Variants in LTBP1 observed in about 807,000 individuals in gnomAD.
LTBP1 encodes latent transforming growth factor beta binding protein 1.
In LTBP1, 129 loss-of-function variants were observed where a neutral mutation model predicts 207.6. The observed-to-expected ratio is 0.62, with a 90% CI of 0.54 to 0.72. The LOEUF (loss-of-function observed/expected upper bound fraction) is 0.72, where lower values mean the gene tolerates loss of function less well. Among genes scored for constraint, LTBP1 ranks in the 30% least tolerant of loss-of-function variants. LTBP1 has a pLI of 0.00. For missense variants in LTBP1, 2,281 were observed against 2,217.2 expected (o/e 1.03, Z -0.58); for synonymous variants, 963 against 833.7 (o/e 1.16, Z -2.67).
intron 3 of LTBP1, among the ~76,000 whole-genome samples, chr2:33,027,639 A>T (rs1415731229): frequency 6.6e-6 from 1 of 152,120 alleles, no homozygotes; most frequent in Admixed American, 6.5e-5. Flanking sequence ...GATCAAGACC[A>T]TCTGGCCAAG....
intron 28 of LTBP1, among the ~76,000 whole-genome samples, chr2:33,362,028 A>G (rs566782362): frequency 1.2e-4 from 18 of 152,324 alleles, no homozygotes; most frequent in Middle Eastern, 6.8e-3. Context: ...GAAGACAACC[A>G]AAGTAGACAT....
chr2:33,284,477 T>C (rs1573612637), intron 19 of LTBP1, among the ~76,000 whole-genome samples: 1 of 152,218 alleles, frequency 6.6e-6, no homozygotes, highest in East Asian at 1.9e-4. Context: ...CATTCGGCAC[T>C]GTATTCCTTG....
At chr2:33,256,471 T>C (rs932384348) in intron 11 of LTBP1, among the ~76,000 whole-genome samples, 2 of 151,938 alleles carry the variant, frequency 1.3e-5, no homozygotes, top group Admixed American at 6.6e-5. Context: ...TTTCCCTGAA[T>C]AGTGATTTTT....
chr2:33,250,137 A>T (rs2092640302), intron 10 of LTBP1, among the ~76,000 whole-genome samples: 1 of 152,182 alleles, frequency 6.6e-6, no homozygotes, highest in Admixed American at 6.5e-5. Flanking sequence ...AATACTAGAG[A>T]TGTTTAATAA....
intron 20 of LTBP1, among the ~76,000 whole-genome samples, chr2:33,294,080 A>T (rs2093826692): frequency 7.6e-6 from 1 of 130,952 alleles, no homozygotes; most frequent in South Asian, 2.3e-4. Context: ...ATCTTGGCTC[A>T]TTGCAACCTC....
intron 3 of LTBP1, among the ~76,000 whole-genome samples, chr2:33,109,925 A>C (rs2080292771): frequency 6.6e-6 from 1 of 152,208 alleles, no homozygotes; most frequent in African/African-American, 2.4e-5. Flanking sequence ...AGAAGGTCCC[A>C]CTGTATCATA....
At chr2:33,135,246 T>G (rs1158888747) in intron 5 of LTBP1, among the ~76,000 whole-genome samples, 1 of 152,172 alleles carries the variant, frequency 6.6e-6, no homozygotes, top group Non-Finnish European at 1.5e-5. Flanking sequence ...AGAGAGTAGG[T>G]TTTAGATTTA....
chr2:33,073,244 C>G (rs1234818670), intron 3 of LTBP1, among the ~76,000 whole-genome samples: 4 of 149,988 alleles, frequency 2.7e-5, no homozygotes, highest in Non-Finnish European at 5.9e-5. Flanking sequence ...TTTCCTCATT[C>G]TTTTGTATGT....
chr2:33,304,199 C>G (rs1007538538), intron 22 of LTBP1, among the ~76,000 whole-genome samples: 1 of 152,180 alleles, frequency 6.6e-6, no homozygotes, highest in Non-Finnish European at 1.5e-5. Context: ...AAAGTCAGGA[C>G]TAGTTTCTCT....
chr2:33,345,466 A>C (rs2094689533), intron 25 of LTBP1, among the ~76,000 whole-genome samples: 1 of 152,250 alleles, frequency 6.6e-6, no homozygotes, highest in African/African-American at 2.4e-5. Flanking sequence ...TAGCCATGTC[A>C]ATAATACATG....
intron 5 of LTBP1, among the ~76,000 whole-genome samples, chr2:33,158,351 T>C (rs905961829): frequency 2.6e-5 from 4 of 152,072 alleles, no homozygotes; most frequent in Non-Finnish European, 5.9e-5. Context: ...AGAAGAAATA[T>C]TCTATGTAAC....
intron 24 of LTBP1, among the ~76,000 whole-genome samples, chr2:33,324,427 A>T (rs916893398): frequency 6.6e-6 from 1 of 151,914 alleles, no homozygotes; most frequent in Non-Finnish European, 1.5e-5. Flanking sequence ...AAAACACAGT[A>T]TATATATATG....
intron 26 of LTBP1, among the ~76,000 whole-genome samples, chr2:33,347,885 A>G (rs1465633768): frequency 6.6e-6 from 1 of 152,218 alleles, no homozygotes; most frequent in Non-Finnish European, 1.5e-5. Flanking sequence ...GCCCTTAGAG[A>G]AATGTGTCTT....
rs35340726 is a variant in LTBP1 at position 33,021,079 on chromosome 2, G to A, written c.736G>A (p.Glu246Lys). 54,815 of 1,613,992 alleles carry A rather than the reference G, an allele frequency of 0.034. 1,107 individuals are homozygous for A. Among genetic ancestry groups the A allele is most frequent in the Non-Finnish European group, 0.041 (48,724 of 1,179,954 alleles). Residue 246 changes from glutamate (E) to lysine (K), a missense_variant, in exon 3 of 34, where the codon GAG becomes AAG. Around this residue, in one of 3 missense-constraint regions of LTBP1, gnomAD observed 555 missense variants for 491.0 expected, o/e 1.13. Coordinates refer to ENST00000404816, the MANE Select transcript of LTBP1 (RefSeq NM_206943.4). ...PGAASSWGPP[E>K]QAAKHTSSKK... Reference sequence around the variant, plus strand: ...GGCTGCTTCCTCGTGGGGCCCTCCTGAGCAAGCAGCAAAGCATACTTCATC... The same window carrying A: ...GGCTGCTTCCTCGTGGGGCCCTCCTAAGCAAGCAGCAAAGCATACTTCATC...
intron 2 of LTBP1, among the ~76,000 whole-genome samples, chr2:33,007,314 A>G (rs1208758509): frequency 2.0e-5 from 3 of 152,226 alleles, no homozygotes; most frequent in African/African-American, 4.8e-5. Flanking sequence ...TCAAAAATCT[A>G]TGGCATGGCT....
At chr2:33,114,023 G>A (rs373191074) in intron 4 of LTBP1, among the ~76,000 whole-genome samples, 1 of 152,282 alleles carries the variant, frequency 6.6e-6, no homozygotes, top group East Asian at 1.9e-4. Context: ...TGTATTTTTA[G>A]TAGAGATAGG....
intron 3 of LTBP1, among the ~76,000 whole-genome samples, chr2:33,069,057 A>T (rs1247238141): frequency 6.6e-6 from 1 of 152,214 alleles, no homozygotes; most frequent in Non-Finnish European, 1.5e-5. Flanking sequence ...GGGGCTCAGG[A>T]TATTTTGCTC....
chr2:33,281,494 G>C (rs555462176), intron 19 of LTBP1, among the ~76,000 whole-genome samples: 7 of 152,194 alleles, frequency 4.6e-5, no homozygotes, highest in African/African-American at 1.7e-4. Flanking sequence ...AAAATTTAAA[G>C]CCCTCTTAGT....
chr2:32,959,619 A>ATTTTTTT (rs1378144146), intron 2 of LTBP1, among the ~76,000 whole-genome samples: 53 of 48,084 alleles, frequency 1.1e-3, no homozygotes, highest in East Asian at 1.6e-3. Flanking sequence ...ATATATATAT[A>ATTTTTTT]TATTTTTTTT....
Sources: gnomAD v4.1 joint callset for allele counts (sites outside exome capture counted in the v4.1 genomes callset) on GRCh38, gnomAD v4.1.1 for gene constraint, gnomAD v4.1.1 regional missense constraint, MANE v1.5 for transcripts, NCBI Gene and HGNC (gene_info 2026-07-23, HGNC 2026-07-21) for gene names.